The following PARD3B variants were observed in gnomAD, a reference collection of about 807,000 sequenced individuals.
PARD3B encodes partitioning defective 3 homolog B.
In PARD3B, 103 loss-of-function variants were observed where a neutral mutation model predicts 130.2. The observed-to-expected ratio is 0.79, with a 90% CI of 0.67 to 0.93. The LOEUF is 0.93. Among genes scored for constraint, PARD3B ranks in the 40% least tolerant of loss-of-function variants. The pLI is 0.00. For missense variants in PARD3B, 1,609 were observed against 1,499.2 expected, an observed-to-expected ratio of 1.07 and a Z score of -1.21; for synonymous variants, 583 against 553.2, an observed-to-expected ratio of 1.05 and a Z score of -0.76.
chr2:205,140,656 T>C (rs567644842), intron 10 of PARD3B, among the ~76,000 whole-genome samples: 73 of 152,252 alleles, frequency 4.8e-4, no homozygotes, highest in African/African-American at 1.7e-3. Flanking sequence ...CTAATAGATA[T>C]TTTTGTTCGA....
intron 16 of PARD3B, among the ~76,000 whole-genome samples, chr2:205,270,343 C>T (rs111615276): frequency 0.048 from 7,229 of 151,868 alleles, 543 homozygotes; most frequent in African/African-American, 0.16. Context: ...CCGAGGCAGG[C>T]GGATCACAAG....
At chr2:204,611,402 G>T (rs74915255) in intron 1 of PARD3B, among the ~76,000 whole-genome samples, 2,071 of 152,238 alleles carry the variant, frequency 0.014, 43 homozygotes, top group African/African-American at 0.048. Context: ...CAGCAGATTA[G>T]GACTTCTACC....
At chr2:204,798,372 G>A (rs1482320963) in intron 2 of PARD3B, among the ~76,000 whole-genome samples, 1 of 152,196 alleles carries the variant, frequency 6.6e-6, no homozygotes, top group Non-Finnish European at 1.5e-5. Context: ...GGCTGGTGGA[G>A]AATGGTCCAT....
chr2:204,720,093 G>A (rs2038925981), intron 2 of PARD3B, among the ~76,000 whole-genome samples: 1 of 152,088 alleles, frequency 6.6e-6, no homozygotes, highest in African/African-American at 2.4e-5. Flanking sequence ...TGAGAATATA[G>A]TCAACTCTGT....
At position 204,669,365 on chromosome 2, in the gene PARD3B, T is replaced by G. The variant is rs1363130243; in HGVS notation, c.121-16816T>G. The stretch of plus-strand genomic sequence containing the variant: ...CTATACAAAATTGGATAATTTGTTT[T>G]GCTATTGAATGTGATTATATCCACT... On this transcript the variant is annotated intron_variant, in intron 1 of 22. Transcript: ENST00000406610. This position sits in a 1 kb window ranked among gnomAD's most constrained non-coding sequence, Gnocchi z 4.3. Among the ~76,000 whole-genome samples the G allele has an allele frequency of 2.0e-5, 3 of 152,180 alleles. No homozygotes were observed. The highest frequency in any genetic ancestry group is 7.2e-5 in the African/African-American group (3 of 41,456).
chr2:204,688,265 T>A (rs1382465070), intron 2 of PARD3B, among the ~76,000 whole-genome samples: 2 of 152,156 alleles, frequency 1.3e-5, no homozygotes, highest in East Asian at 1.9e-4. Context: ...CTAGAAAAAA[T>A]TGTGTTGCCA....
intron 3 of PARD3B, among the ~76,000 whole-genome samples, chr2:205,027,141 T>A (rs2125350053): frequency 6.6e-6 from 1 of 152,296 alleles, no homozygotes; most frequent in South Asian, 2.1e-4. Context: ...ACCTCCATAC[T>A]GTTCTCTATA....
At chr2:204,885,634 G>A (rs944477520) in intron 2 of PARD3B, among the ~76,000 whole-genome samples, 1 of 152,148 alleles carries the variant, frequency 6.6e-6, no homozygotes, top group African/African-American at 2.4e-5. Flanking sequence ...TTCAAGATCT[G>A]TGCTTATTAT....
chr2:205,094,286 T>C (rs929107093), intron 4 of PARD3B, among the ~76,000 whole-genome samples: 1 of 152,158 alleles, frequency 6.6e-6, no homozygotes, highest in Non-Finnish European at 1.5e-5. Flanking sequence ...TAGGAAGATA[T>C]ATGAAGGTCA....
chr2:205,532,487 G>T (rs374790440), intron 21 of PARD3B, among the ~76,000 whole-genome samples: 10 of 152,272 alleles, frequency 6.6e-5, no homozygotes, highest in African/African-American at 9.6e-5. Context: ...GCAGTGCTTG[G>T]GGGGGAAATG....
intron 4 of PARD3B, among the ~76,000 whole-genome samples, chr2:205,079,835 T>A (rs997392884): frequency 2.6e-5 from 4 of 152,212 alleles, no homozygotes; most frequent in Non-Finnish European, 5.9e-5. Flanking sequence ...TAATTCTCCA[T>A]GAATTATAAA....
intron 11 of PARD3B, among the ~76,000 whole-genome samples, chr2:205,164,796 G>A (rs1017322385): frequency 8.1e-5 from 12 of 147,980 alleles, no homozygotes; most frequent in African/African-American, 3.1e-4. Flanking sequence ...TCTTCATTAT[G>A]GGTACCTATA....
intron 2 of PARD3B, among the ~76,000 whole-genome samples, chr2:204,839,416 A>G (rs2044181122): frequency 6.6e-6 from 1 of 152,170 alleles, no homozygotes; most frequent in Non-Finnish European, 1.5e-5. Context: ...ATATATGTAA[A>G]CCAAACAGAC....
chr2:205,414,491 C>A (rs1485964808), intron 19 of PARD3B, among the ~76,000 whole-genome samples: 1 of 152,084 alleles, frequency 6.6e-6, no homozygotes, highest in Non-Finnish European at 1.5e-5. Context: ...ATTAAAATAT[C>A]TTGCCAAACA....
chr2:204,594,893 C>T (rs61049352), intron 1 of PARD3B, among the ~76,000 whole-genome samples: 3,992 of 152,194 alleles, frequency 0.026, 188 homozygotes, highest in African/African-American at 0.09. Context: ...TTTGTGAAGT[C>T]GTTTGATCAG....
At chr2:205,364,851 G>T (rs1012924625) in intron 18 of PARD3B, among the ~76,000 whole-genome samples, 6 of 152,144 alleles carry the variant, frequency 3.9e-5, no homozygotes, top group African/African-American at 1.2e-4. Context: ...AGCATGGAAG[G>T]TTGCTCACTC....
chr2:205,519,434 A>G (rs1047114866), intron 21 of PARD3B, among the ~76,000 whole-genome samples: 3 of 152,022 alleles, frequency 2.0e-5, no homozygotes, highest in African/African-American at 4.8e-5. Context: ...CAGACCCATT[A>G]TGTTCTTTTT....
At chr2:205,401,287 T>C (rs2046243242) in intron 19 of PARD3B, among the ~76,000 whole-genome samples, 164 bp downstream of exon 19, 1 of 152,214 alleles carries the variant, frequency 6.6e-6, no homozygotes, top group Non-Finnish European at 1.5e-5. Context: ...TTTCTGGAAA[T>C]TTTTATTCTA....
chr2:205,562,675 C>G lies in PARD3B; in HGVS notation c.3260+9272C>G, dbSNP rs1244714272. On this transcript the variant is annotated intron_variant, in intron 22 of 22. Coordinates refer to ENST00000406610, the MANE Select transcript of PARD3B (RefSeq NM_001302769.2). The surrounding 1 kb of genome is among the most constrained non-coding windows in gnomAD (Gnocchi z 5.4). ...GCCTAGGCATCTGCTTAGAGTATTGCTCTATATCTCATTTCTCATAATCTT... is the reference window on the plus strand; with the variant it reads ...GCCTAGGCATCTGCTTAGAGTATTGGTCTATATCTCATTTCTCATAATCTT... 6.6e-6 allele frequency among the ~76,000 whole-genome samples: 1 copy of G among 152,154 alleles called. No homozygotes were observed. Among genetic ancestry groups the G allele is most frequent in the Non-Finnish European group, 1.5e-5 (1 of 68,040 alleles).
Sources: allele counts gnomAD v4.1 joint callset (sites outside exome capture counted in the v4.1 genomes callset), GRCh38; gene constraint gnomAD v4.1.1; non-coding constraint Gnocchi (gnomAD v3.1); transcripts MANE v1.5; gene names NCBI Gene and HGNC (gene_info 2026-07-23, HGNC 2026-07-21).